SLC7A6: variants seen among roughly 807,000 people sequenced by gnomAD.
SLC7A6 encodes the protein solute carrier family 7 member 6.
In SLC7A6, 29 loss-of-function variants were observed where a neutral mutation model predicts 46.6. The observed-to-expected ratio is 0.62, with a 90% CI of 0.46 to 0.85. SLC7A6 has a LOEUF of 0.85. Ranked by LOEUF, SLC7A6 falls within the 40% of genes least tolerant of loss-of-function variation. SLC7A6 has a pLI of 0.00. For missense variants in SLC7A6, 527 were observed against 647.6 expected (o/e 0.81, Z 2.02); for synonymous variants, 276 against 257.3 (o/e 1.07, Z -0.70).
intron 7 of SLC7A6, chr16:68,291,880 G>A: frequency 3.7e-6 from 2 of 535,190 alleles, no homozygotes; most frequent in Admixed American, 6.9e-5. Context: ...CTGAGGTGAG[G>A]ACAGATTGTG....
chr16:68,300,871 C>T lies in SLC7A6; in HGVS notation c.*3543C>T. ...TTCTATCAAAAGGAACAGGGTTTTC[C>T]TAGAGGCAGGCAGCCTGGTGGTATG... is the stretch of plus-strand genomic sequence containing the variant. On this transcript the variant is annotated 3_prime_UTR_variant, in exon 11 of 11. Coordinates refer to ENST00000219343, the MANE Select transcript of SLC7A6 (RefSeq NM_003983.6). The T allele has an allele frequency of 1.0e-6, 1 of 989,474 alleles. No individual in the cohort carries two copies. Among genetic ancestry groups the T allele is most frequent in the Non-Finnish European group, 1.2e-6 (1 of 832,736 alleles). 61.3% of individuals were successfully genotyped at this position (989,474 alleles called of 1,614,324 possible).
In SLC7A6 at chr16:68,280,039, T is replaced by G. The variant is rs76920207; in HGVS notation, c.523+4790T>G. 3.7e-3 allele frequency among the ~76,000 whole-genome samples: 563 copies of G among 152,344 alleles called. 3 individuals are homozygous for G. The highest frequency in any genetic ancestry group is 4.0e-3 in the Non-Finnish European group (271 of 68,028). ...GGCTTTAGGGTTCAGCTTACTTCCC[T>G]TCTTGGAACTTAGGTTGCAGTATCA... On this transcript the variant is annotated intron_variant, in intron 3 of 10. Coordinates refer to ENST00000219343, the MANE Select transcript of SLC7A6 (RefSeq NM_003983.6).
chr16:68,294,482 TG>T (rs2151232311), intron 7 of SLC7A6, among the ~76,000 whole-genome samples: 1 of 151,584 alleles, frequency 6.6e-6, no homozygotes, highest in East Asian at 1.9e-4. Flanking sequence ...GTGGGGCATC[TG>T]GGTAGTGGTG....
Position 68,291,541 on chromosome 16 carries a change from C to G in SLC7A6, c.919-17C>G. 6.2e-7 allele frequency: 1 copy of G among 1,613,566 alleles called. No individual in the cohort carries two copies. The highest frequency in any genetic ancestry group is 8.5e-7 in the Non-Finnish European group (1 of 1,179,590). On this transcript the variant is annotated splice_polypyrimidine_tract_variant and intron_variant, in intron 6 of 10. Coordinates refer to ENST00000219343, the MANE Select transcript of SLC7A6 (RefSeq NM_003983.6). The stretch of plus-strand genomic sequence containing the variant: ...AACCCTGTGCGTTTAAGTGCCTTTT[C>G]TGTGCCCTGCCCCCAGACATTTGCT...
At chr16:68,290,739 C>T (rs949633625) in intron 5 of SLC7A6, 199 bp downstream of exon 5, 13 of 636,804 alleles carry the variant, frequency 2.0e-5, no homozygotes, top group South Asian at 5.7e-5. Context: ...CCTGTCCTCA[C>T]GTTCGCACTG....
intron 5 of SLC7A6, 37 bp downstream of exon 5, chr16:68,290,577 C>T (rs2043029179): frequency 6.2e-7 from 1 of 1,612,676 alleles, no homozygotes; most frequent in East Asian, 2.2e-5. Flanking sequence ...CCCAGCTTGG[C>T]TGGAACTCCT....
At chr16:68,290,207 GT>G (rs1351747211) in intron 4 of SLC7A6, 188 bp from the exon 5 acceptor site, 28 of 587,922 alleles carry the variant, frequency 4.8e-5, no homozygotes, top group South Asian at 1.7e-4. Flanking sequence ...GTTAAATTAT[GT>G]TTTTTTTTCT....
chr16:68,275,423 C>T (rs867169869), intron 3 of SLC7A6, among the ~76,000 whole-genome samples, 174 bp downstream of exon 3: 24 of 151,820 alleles, frequency 1.6e-4, no homozygotes, highest in Non-Finnish European at 2.4e-4. Flanking sequence ...TGGAGAAACC[C>T]CGTCTCTACT....
Position 68,264,723 on chromosome 16 carries a change from C to G in SLC7A6, c.-166+147C>G, listed in dbSNP as rs2042496703. 6.6e-6 allele frequency: 1 copy of G among 152,374 alleles called. No homozygotes were observed. The highest frequency in any genetic ancestry group is 6.5e-5 in the Admixed American group (1 of 15,274). The allele number at this position is 152,374 out of a possible 1,614,324, so 9.4% of individuals were successfully genotyped here. On this transcript the variant is annotated intron_variant, in intron 1 of 10. Transcript: ENST00000219343. This position sits in a 1 kb window ranked among gnomAD's most constrained non-coding sequence, Gnocchi z 5.8. ...CAGCGCGGGGCTGGCCGATCGGGGC[C>G]GCGCGAGAGGCGCTGCGGGTGAGGG... is the stretch of plus-strand genomic sequence containing the variant.
At chr16:68,284,041 AT>A (rs1285388773) in intron 3 of SLC7A6, among the ~76,000 whole-genome samples, 3 of 151,972 alleles carry the variant, frequency 2.0e-5, no homozygotes, top group Non-Finnish European at 2.9e-5. Context: ...GGCAGGGCTG[AT>A]AGTAGGGTGA....
rs2043192760 is a variant in SLC7A6 at position 68,297,430 on chromosome 16, T to A, written c.*102T>A. On this transcript the variant is annotated 3_prime_UTR_variant, in exon 11 of 11. Coordinates refer to ENST00000219343, the MANE Select transcript of SLC7A6 (RefSeq NM_003983.6). ...ACTCTCCTGAATTAAAGGAGCCTTT[T>A]GACCCAATCATATAGTGGGGCTCAG... The A allele has an allele frequency of 2.9e-5, 28 of 964,590 alleles. No individual in the cohort carries two copies. The East Asian group carries it at 7.0e-4, about 24-fold the overall frequency. The allele number at this position is 964,590 out of a possible 1,614,324, so 59.8% of individuals were successfully genotyped here. A position where few individuals can be genotyped will look rare whatever the true frequency, so the allele number is the denominator to read the frequency against.
rs2043265299 is a variant in SLC7A6 at position 68,301,155 on chromosome 16, A to C, written c.*3827A>C. The C allele has an allele frequency of 6.8e-7, 1 of 1,475,686 alleles. No individual in the cohort carries two copies. Among genetic ancestry groups the C allele is most frequent in the South Asian group, 1.4e-5 (1 of 69,206 alleles). The allele number at this position is 1,475,686 out of a possible 1,614,324, so 91.4% of individuals were successfully genotyped here. On this transcript the variant is annotated 3_prime_UTR_variant, in exon 11 of 11. Coordinates refer to ENST00000219343, the MANE Select transcript of SLC7A6 (RefSeq NM_003983.6). ...GGGATGGTGCCGCCCGATATGCTTGATATGCTTTTCCTTCCACATGTTAAG... is the reference window on the plus strand; with the variant it reads ...GGGATGGTGCCGCCCGATATGCTTGCTATGCTTTTCCTTCCACATGTTAAG...
chr16:68,276,825 C>T (rs956094585), intron 3 of SLC7A6, among the ~76,000 whole-genome samples: 8 of 152,024 alleles, frequency 5.3e-5, no homozygotes, highest in Admixed American at 1.3e-4. Flanking sequence ...TGGTGAGACC[C>T]TGTCTCTACA....
Position 68,301,153 on chromosome 16 carries a change from T to C in SLC7A6, c.*3825T>C. 1 of 1,474,290 alleles carries C rather than the reference T, an allele frequency of 6.8e-7. No homozygotes were observed. The highest frequency in any genetic ancestry group is 9.0e-7 in the Non-Finnish European group (1 of 1,108,558). The allele number at this position is 1,474,290 out of a possible 1,614,324, so 91.3% of individuals were successfully genotyped here. On this transcript the variant is annotated 3_prime_UTR_variant, in exon 11 of 11. Transcript: ENST00000219343. ...GTGGGATGGTGCCGCCCGATATGCT[T>C]GATATGCTTTTCCTTCCACATGTTA...
At chr16:68,275,639 A>G (rs2042699877) in intron 3 of SLC7A6, among the ~76,000 whole-genome samples, 2 of 151,390 alleles carry the variant, frequency 1.3e-5, no homozygotes, top group South Asian at 2.1e-4. Context: ...TTTGAATAGC[A>G]TATTTTGCAT....
At chr16:68,284,580 A>T in intron 3 of SLC7A6, 2 of 884,346 alleles carry the variant, frequency 2.3e-6, no homozygotes, top group Non-Finnish European at 2.7e-6. Flanking sequence ...GTGCACAGAG[A>T]GGACCAAACC....
intron 3 of SLC7A6, among the ~76,000 whole-genome samples, chr16:68,286,820 G>A (rs1848035883): frequency 6.6e-6 from 1 of 152,116 alleles, no homozygotes; most frequent in African/African-American, 2.4e-5. Flanking sequence ...AATGAGGGTG[G>A]AAGCGATCAG....
chr16:68,269,299 T>C (rs999409986), intron 2 of SLC7A6, among the ~76,000 whole-genome samples: 4 of 152,214 alleles, frequency 2.6e-5, no homozygotes, highest in Non-Finnish European at 4.4e-5. Flanking sequence ...GGGTTGTTTT[T>C]CTTGCTTTTT....
intron 3 of SLC7A6, among the ~76,000 whole-genome samples, chr16:68,279,341 C>CA (rs1189324368): frequency 4.6e-5 from 7 of 151,836 alleles, no homozygotes; most frequent in African/African-American, 1.2e-4. Context: ...GACTTTGTCT[C>CA]AAAAAAAATT....
Sources: allele counts gnomAD v4.1 joint callset (sites outside exome capture counted in the v4.1 genomes callset), GRCh38; gene constraint gnomAD v4.1.1; non-coding constraint Gnocchi (gnomAD v3.1); transcripts MANE v1.5; gene names NCBI Gene and HGNC (gene_info 2026-07-23, HGNC 2026-07-21).